Variants in ARHGEF28 observed in about 807,000 individuals in gnomAD.
ARHGEF28 encodes 190 kDa guanine nucleotide exchange factor.
ARHGEF28 carries 152 observed loss-of-function variants against 206.6 expected under a neutral mutation model. That is an observed-to-expected ratio of 0.74 (90% CI 0.64 to 0.84). The LOEUF (loss-of-function observed/expected upper bound fraction) is 0.84, where lower values mean the gene tolerates loss of function less well. Among genes scored for constraint, ARHGEF28 ranks in the 40% least tolerant of loss-of-function variants. ARHGEF28 has a pLI of 0.00. For missense variants in ARHGEF28, 2,028 were observed against 2,073.2 expected (o/e 0.98, Z 0.42); for synonymous variants, 763 against 776.4 (o/e 0.98, Z 0.29).
intron 1 of ARHGEF28, among the ~76,000 whole-genome samples, chr5:73,683,770 A>G (rs770675984): frequency 6.6e-6 from 1 of 152,074 alleles, no homozygotes; most frequent in Non-Finnish European, 1.5e-5. Flanking sequence ...TCTTGTCACT[A>G]TGCTATTCTG....
chr5:73,797,221 C>G (rs1350667093), intron 9 of ARHGEF28, among the ~76,000 whole-genome samples: 1 of 152,108 alleles, frequency 6.6e-6, no homozygotes, highest in Admixed American at 6.5e-5. Context: ...TTCATTTAAA[C>G]TTTTTGAATT....
chr5:73,760,480 C>T (rs1414466569), intron 4 of ARHGEF28, among the ~76,000 whole-genome samples: 2 of 152,104 alleles, frequency 1.3e-5, no homozygotes. Context: ...ATCTCTACAC[C>T]TTTTCTGACA....
At chr5:73,890,458 T>C (rs1376965511) in intron 26 of ARHGEF28, among the ~76,000 whole-genome samples, 1 of 152,202 alleles carries the variant, frequency 6.6e-6, no homozygotes, top group Non-Finnish European at 1.5e-5. Context: ...AGATTAACAA[T>C]GCTCCAAGGA....
At chr5:73,751,650 TCTC>T (rs1752023369) in intron 3 of ARHGEF28, among the ~76,000 whole-genome samples, 2 of 152,128 alleles carry the variant, frequency 1.3e-5, no homozygotes, top group African/African-American at 4.8e-5. Context: ...TGGTGGCGAC[TCTC>T]CTCCTCCTTC....
Position 73,898,100 on chromosome 5 carries a change from G to GA in ARHGEF28, c.3973+11dup. The GA allele has an allele frequency of 6.2e-7, 1 of 1,609,892 alleles. No individual in the cohort carries two copies. The highest frequency in any genetic ancestry group is 8.5e-7 in the Non-Finnish European group (1 of 1,177,956). On this transcript the variant is annotated splice_region_variant and intron_variant, in intron 30 of 35. Transcript: ENST00000513042. ...CCAGGATCACCGACTGCCTGTAAGTGAAAATGCAGGCCTTGGCAATGAGCC... is the reference window on the plus strand; with the variant it reads ...CCAGGATCACCGACTGCCTGTAAGTGAAAAATGCAGGCCTTGGCAATGAGCC...
At chr5:73,856,289 C>G (rs1759028359) in intron 14 of ARHGEF28, among the ~76,000 whole-genome samples, 1 of 152,194 alleles carries the variant, frequency 6.6e-6, no homozygotes, top group Admixed American at 6.5e-5. Flanking sequence ...GATTCTTTCA[C>G]TACTCTGTTG....
chr5:73,708,407 T>A (rs2112302576), intron 2 of ARHGEF28, among the ~76,000 whole-genome samples: 1 of 152,290 alleles, frequency 6.6e-6, no homozygotes, highest in Non-Finnish European at 1.5e-5. Context: ...TTTGTGTCCA[T>A]GTGTGTTCCA....
chr5:73,639,071 A>G (rs1287466581), intron 1 of ARHGEF28, among the ~76,000 whole-genome samples: 1 of 152,100 alleles, frequency 6.6e-6, no homozygotes, highest in African/African-American at 2.4e-5. Context: ...GTCCAGCCTA[A>G]TGCCTTTTTC....
chr5:73,664,341 C>G (rs1745808638), intron 1 of ARHGEF28, among the ~76,000 whole-genome samples: 1 of 152,154 alleles, frequency 6.6e-6, no homozygotes, highest in Non-Finnish European at 1.5e-5. Flanking sequence ...CATATACACC[C>G]CTTCTACATT....
At chr5:73,816,327 A>G (rs1208863442) in intron 9 of ARHGEF28, among the ~76,000 whole-genome samples, 1 of 152,140 alleles carries the variant, frequency 6.6e-6, no homozygotes, top group African/African-American at 2.4e-5. Context: ...AGGATATCAT[A>G]AGTATTTTTG....
In ARHGEF28 at chr5:73,920,125, G is replaced by A. The variant is rs78724213; in HGVS notation, c.4948+8550G>A. Among the ~76,000 whole-genome samples, 1,504 of 152,320 alleles carry A rather than the reference G, an allele frequency of 9.9e-3. 18 individuals are homozygous for A. Among genetic ancestry groups the A allele is most frequent in the African/African-American group, 0.034 (1,410 of 41,566 alleles). On this transcript the variant is annotated intron_variant, in intron 35 of 35. Transcript: ENST00000513042. ...TACTGAGGCACTGAAAGAAGTTGAG[G>A]TATCAGAGAAATGGGGTGTGTGATG...
At chr5:73,653,445 G>A (rs1180953700) in intron 1 of ARHGEF28, among the ~76,000 whole-genome samples, 1 of 152,180 alleles carries the variant, frequency 6.6e-6, no homozygotes, top group African/African-American at 2.4e-5. Context: ...AGGAGTTTGA[G>A]GATATATGCT....
intron 5 of ARHGEF28, among the ~76,000 whole-genome samples, chr5:73,775,870 T>C (rs912817729): frequency 2.0e-5 from 3 of 152,120 alleles, no homozygotes; most frequent in African/African-American, 7.2e-5. Flanking sequence ...AGAAAATAAG[T>C]GTATATTCAA....
In ARHGEF28 at chr5:73,885,435, T is replaced by C. The variant is rs563615908; in HGVS notation, c.3056-415T>C. Among the ~76,000 whole-genome samples, 16 of 152,134 alleles carry C rather than the reference T, an allele frequency of 1.1e-4. No homozygotes were observed. The East Asian group carries it at 3.1e-3, about 29-fold the overall frequency. The stretch of plus-strand genomic sequence containing the variant: ...CATAATAAAATATTTTAACATTTTT[T>C]TGGTGGGGGGGTGGTACAGAGTGGT... On this transcript the variant is annotated intron_variant, in intron 24 of 35. Coordinates refer to ENST00000513042, the MANE Select transcript of ARHGEF28 (RefSeq NM_001177693.2).
At chr5:73,643,277 G>A (rs1408423592) in intron 1 of ARHGEF28, among the ~76,000 whole-genome samples, 1 of 152,250 alleles carries the variant, frequency 6.6e-6, no homozygotes, top group South Asian at 2.1e-4. Context: ...AGAGCTGTGA[G>A]TTATAATATT....
chr5:73,885,721 TC>T, intron 24 of ARHGEF28, 128 bp from the exon 25 acceptor site: 1 of 1,054,668 alleles, frequency 9.5e-7, no homozygotes, highest in Non-Finnish European at 1.3e-6. Context: ...CCAACATTTT[TC>T]TTATGGGATT....
intron 9 of ARHGEF28, among the ~76,000 whole-genome samples, chr5:73,828,688 TTC>T (rs950995103): frequency 9.3e-5 from 14 of 150,692 alleles, no homozygotes; most frequent in African/African-American, 2.7e-4. Context: ...TTCTTTCTCT[TTC>T]TCTTTCTTTC....
At chr5:73,716,456 A>G (rs1749587644) in intron 2 of ARHGEF28, among the ~76,000 whole-genome samples, 1 of 152,186 alleles carries the variant, frequency 6.6e-6, no homozygotes. Context: ...GAGGAAGATA[A>G]TGCTTATTGC....
intron 35 of ARHGEF28, chr5:73,923,154 T>TACTTTGAAAGG: frequency 3.3e-6 from 5 of 1,535,802 alleles, no homozygotes; most frequent in Non-Finnish European, 4.4e-6. Context: ...GAACCACATC[T>TACTTTGAAAGG]ACTTTGAAAG....
Sources: allele counts gnomAD v4.1 joint callset (sites outside exome capture counted in the v4.1 genomes callset), GRCh38; gene constraint gnomAD v4.1.1; transcripts MANE v1.5; gene names NCBI Gene and HGNC (gene_info 2026-07-23, HGNC 2026-07-21).